Variants in PCDH7 observed in about 807,000 individuals in gnomAD.
The protein encoded by PCDH7 is protocadherin-7.
In PCDH7, 17 loss-of-function variants were observed where a neutral mutation model predicts 58.9. That is an observed-to-expected ratio of 0.29 (90% CI 0.20 to 0.43). The LOEUF (loss-of-function observed/expected upper bound fraction) is 0.43. Among genes scored for constraint, PCDH7 ranks in the 20% least tolerant of loss-of-function variants. The pLI is 1.00. For missense variants in PCDH7, 1,274 were observed against 1,441.0 expected, an observed-to-expected ratio of 0.88 and a Z score of 1.88; for synonymous variants, 664 against 616.4, an observed-to-expected ratio of 1.08 and a Z score of -1.14.
intron 1 of PCDH7, among the ~76,000 whole-genome samples, chr4:30,808,020 T>G (rs1388872541): frequency 6.6e-6 from 1 of 152,132 alleles, no homozygotes. Flanking sequence ...TTAGCTGGTG[T>G]AGGAGGCAGG....
At chr4:30,819,876 T>A (rs1021959304) in intron 1 of PCDH7, among the ~76,000 whole-genome samples, 4 of 152,160 alleles carry the variant, frequency 2.6e-5, no homozygotes, top group African/African-American at 9.7e-5. Context: ...AGAGCGGTAG[T>A]CTTGCCATAA....
At chr4:30,868,098 T>C (rs1735101447) in intron 1 of PCDH7, among the ~76,000 whole-genome samples, 1 of 152,072 alleles carries the variant, frequency 6.6e-6, no homozygotes, top group Admixed American at 6.6e-5. Flanking sequence ...GTCAGAAATG[T>C]ATTCTGACAG....
At chr4:30,828,841 T>TG (rs1560412742) in intron 1 of PCDH7, among the ~76,000 whole-genome samples, 1 of 152,022 alleles carries the variant, frequency 6.6e-6, no homozygotes, top group East Asian at 1.9e-4. Flanking sequence ...AGGTTTTTTT[T>TG]TTGTTGTTGT....
chr4:30,978,724 T>C (rs1462345996), intron 3 of PCDH7, among the ~76,000 whole-genome samples: 2 of 152,198 alleles, frequency 1.3e-5, no homozygotes, highest in Non-Finnish European at 2.9e-5. Flanking sequence ...CTCTCCCTAA[T>C]ACAATATACT....
At chr4:30,976,852 G>C (rs574809059) in intron 3 of PCDH7, among the ~76,000 whole-genome samples, 1 of 152,066 alleles carries the variant, frequency 6.6e-6, no homozygotes, top group Non-Finnish European at 1.5e-5. Context: ...TATGCCACCT[G>C]ATTTTTCAGG....
At chr4:30,927,393 T>C (rs1296038283) in intron 2 of PCDH7, among the ~76,000 whole-genome samples, 1 of 151,714 alleles carries the variant, frequency 6.6e-6, no homozygotes, top group East Asian at 1.9e-4. Context: ...ATGATGACAA[T>C]GGCGGTTTTG....
chr4:30,837,281 G>A lies in PCDH7; in HGVS notation c.71-82872G>A, dbSNP rs550336319. On this transcript the variant is annotated intron_variant, in intron 1 of 3. Coordinates refer to the PCDH7 transcript ENST00000509759. ...CAGTGTGTGGTAATGCCCTTTTAAC[G>A]TTCTATCCAGGGCCCTGCATGGACT... Among the ~76,000 whole-genome samples, 114 of 152,076 alleles carry A rather than the reference G, an allele frequency of 7.5e-4. 1 individual carries two copies. The highest frequency in any genetic ancestry group is 2.7e-3 in the African/African-American group (110 of 41,492).
intron 2 of PCDH7, among the ~76,000 whole-genome samples, chr4:30,949,169 T>C (rs571716959): frequency 6.6e-6 from 1 of 152,300 alleles, no homozygotes; most frequent in Admixed American, 6.5e-5. Flanking sequence ...TTTTTTTACA[T>C]TACTTTTCTT....
At chr4:30,928,830 G>A (rs1489091774) in intron 2 of PCDH7, among the ~76,000 whole-genome samples, 1 of 152,078 alleles carries the variant, frequency 6.6e-6, no homozygotes, top group East Asian at 1.9e-4. Flanking sequence ...TTCATTTGAA[G>A]CCAAATAAAT....
chr4:30,821,088 AGATAGGTACTGTTATTTGACC>A (rs1432935711), intron 1 of PCDH7, among the ~76,000 whole-genome samples: 1 of 152,132 alleles, frequency 6.6e-6, no homozygotes, highest in Non-Finnish European at 1.5e-5. Context: ...TGACTGCGTG[AGATAGGTACTGTTATTTGACC>A]CATTTCGCAG....
chr4:30,944,876 G>T (rs1468316398), intron 2 of PCDH7, among the ~76,000 whole-genome samples: 1 of 152,098 alleles, frequency 6.6e-6, no homozygotes, highest in Non-Finnish European at 1.5e-5. Context: ...GGACATAGTG[G>T]GTTATGCTAT....
chr4:30,944,771 C>A (rs1746468457), intron 2 of PCDH7, among the ~76,000 whole-genome samples: 1 of 152,030 alleles, frequency 6.6e-6, no homozygotes, highest in Non-Finnish European at 1.5e-5. Flanking sequence ...TGTGTAAAAT[C>A]ATGTATTAAT....
At chr4:30,898,642 G>A (rs1578213754) in intron 1 of PCDH7, among the ~76,000 whole-genome samples, 2 of 152,298 alleles carry the variant, frequency 1.3e-5, no homozygotes, top group Non-Finnish European at 2.9e-5. Context: ...CCAGGCTGGA[G>A]TGCAGTGGCG....
chr4:31,085,855 T>C lies in PCDH7; in HGVS notation c.*8-56618T>C, dbSNP rs200939467. On this transcript the variant is annotated intron_variant, in intron 3 of 3. Coordinates refer to the PCDH7 transcript ENST00000509759. ...GACTCTTTTCTCTCTCTCTCTCTCT[T>C]TTTTTTTTTTTTTCATCTCTTCCTC... Among the ~76,000 whole-genome samples the C allele has an allele frequency of 2.0e-3, 244 of 122,432 alleles. 1 individual carries two copies. The highest frequency in any genetic ancestry group is 5.8e-3 in the East Asian group (13 of 2,258). The allele number at this position is 122,432 out of a possible 152,430, so 80.3% of individuals were successfully genotyped here.
In PCDH7 at chr4:31,085,810, G is replaced by A. The variant is rs1277602367; in HGVS notation, c.*8-56663G>A. Among the ~76,000 whole-genome samples, 6 of 150,640 alleles carry A rather than the reference G, an allele frequency of 4.0e-5. No individual in the cohort carries two copies. The East Asian group carries it at 1.2e-3, about 29-fold the overall frequency. ...CATTATAAAGTCAAAAATATATTGT[G>A]ACATCCTACATACACATCAGACTCT... On this transcript the variant is annotated intron_variant, in intron 3 of 3. Coordinates refer to the PCDH7 transcript ENST00000509759.
At chr4:30,806,182 T>A (rs1394244914) in intron 1 of PCDH7, among the ~76,000 whole-genome samples, 3 of 152,120 alleles carry the variant, frequency 2.0e-5, no homozygotes, top group African/African-American at 7.2e-5. Context: ...TAAAATCCAG[T>A]CCCCCAAATT....
chr4:30,820,242 G>A (rs999161434), intron 1 of PCDH7, among the ~76,000 whole-genome samples: 5 of 152,154 alleles, frequency 3.3e-5, no homozygotes, highest in Non-Finnish European at 7.4e-5. Flanking sequence ...GTGTGTGAGA[G>A]AAAGTCCTTG....
chr4:31,015,977 A>G (rs113354500), intron 3 of PCDH7, among the ~76,000 whole-genome samples: 18 of 152,334 alleles, frequency 1.2e-4, no homozygotes, highest in African/African-American at 3.6e-4. Flanking sequence ...ATGGTTACCA[A>G]GATACATAGC....
At chr4:31,069,868 C>T (rs371531836) in intron 3 of PCDH7, among the ~76,000 whole-genome samples, 4 of 151,224 alleles carry the variant, frequency 2.6e-5, no homozygotes, top group African/African-American at 7.3e-5. Flanking sequence ...CTCAAATTTT[C>T]TCCACTTGAT....
Sources: allele counts gnomAD v4.1 joint callset (sites outside exome capture counted in the v4.1 genomes callset), GRCh38; gene constraint gnomAD v4.1.1; transcripts MANE v1.5; gene names NCBI Gene and HGNC (gene_info 2026-07-23, HGNC 2026-07-21).